The following DNAJC5B variants were observed in gnomAD, a reference collection of about 807,000 sequenced individuals.
DNAJC5B encodes the protein DnaJ heat shock protein family (Hsp40) member C5 beta.
Under a neutral mutation model 24.7 loss-of-function variants are expected in DNAJC5B, and 23 were observed. The observed-to-expected ratio is 0.93, with a 90% CI of 0.67 to 1.32. The LOEUF (loss-of-function observed/expected upper bound fraction) is 1.32. DNAJC5B is among the 40% of genes most tolerant of loss of function. The pLI, the probability that DNAJC5B is intolerant of heterozygous loss-of-function variation, is 0.00. For missense variants in DNAJC5B, 238 were observed against 240.8 expected, an observed-to-expected ratio of 0.99 and a Z score of 0.08; for synonymous variants, 101 against 90.1, an observed-to-expected ratio of 1.12 and a Z score of -0.68.
intron 3 of DNAJC5B, chr8:66,056,576 A>G (rs940516179): frequency 2.6e-5 from 4 of 152,208 alleles, no homozygotes; most frequent in African/African-American, 9.7e-5. Flanking sequence ...GAAGCACCGT[A>G]AAGACTCTGA....
intron 3 of DNAJC5B, among the ~76,000 whole-genome samples, chr8:66,062,085 A>G (rs1807095304): frequency 6.6e-6 from 1 of 152,252 alleles, no homozygotes; most frequent in African/African-American, 2.4e-5. Flanking sequence ...CCATTCCATC[A>G]GTTCCTTGAG....
In DNAJC5B at chr8:66,052,149, G is replaced by A. The variant is rs558572123; in HGVS notation, c.119+483G>A. ...TTTTTTTTTTTTTTAGTAGAGATGG[G>A]GTTTCACCATGTTGGCCAGGCTGGT... On this transcript the variant is annotated intron_variant, in intron 3 of 5. Coordinates refer to ENST00000276570, the MANE Select transcript of DNAJC5B (RefSeq NM_033105.6). Among the ~76,000 whole-genome samples the A allele has an allele frequency of 1.8e-3, 270 of 150,604 alleles. 2 individuals are homozygous for A. Among genetic ancestry groups the A allele is most frequent in the Non-Finnish European group, 1.3e-3 (89 of 67,720 alleles).
chr8:66,080,196 G>A (rs1328498985), intron 4 of DNAJC5B, among the ~76,000 whole-genome samples, 181 bp from the exon 5 acceptor site: 2 of 152,156 alleles, frequency 1.3e-5, no homozygotes, highest in Admixed American at 6.5e-5. Flanking sequence ...CAGGAAATTG[G>A]TTTCTAAGGA....
intron 3 of DNAJC5B, among the ~76,000 whole-genome samples, chr8:66,065,921 A>G (rs79153560): frequency 0.043 from 6,505 of 152,212 alleles, 463 homozygotes; most frequent in African/African-American, 0.15. Context: ...GCTCCAAAGA[A>G]CTATAAAAGC....
At chr8:66,069,563 A>T (rs1384637625) in intron 3 of DNAJC5B, among the ~76,000 whole-genome samples, 1 of 152,226 alleles carries the variant, frequency 6.6e-6, no homozygotes, top group African/African-American at 2.4e-5. Flanking sequence ...TGAGGCAGTA[A>T]TTAATAGCCT....
intron 1 of DNAJC5B, among the ~76,000 whole-genome samples, chr8:66,041,151 T>A (rs1806599815): frequency 6.6e-6 from 1 of 152,184 alleles, no homozygotes; most frequent in African/African-American, 2.4e-5. Context: ...AATTTACAAG[T>A]GATGGCTTGA....
intron 5 of DNAJC5B, among the ~76,000 whole-genome samples, chr8:66,099,483 C>A (rs753643742): frequency 5.9e-5 from 9 of 152,230 alleles, no homozygotes; most frequent in Non-Finnish European, 1.3e-4. Flanking sequence ...CCTGTCCCAA[C>A]AAGGGCCAGT....
intron 1 of DNAJC5B, among the ~76,000 whole-genome samples, chr8:66,026,666 G>A (rs140399447): frequency 6.0e-4 from 92 of 152,370 alleles, no homozygotes; most frequent in Non-Finnish European, 1.2e-3. Flanking sequence ...TGTAACCTGA[G>A]GCCTGTGAAG....
intron 5 of DNAJC5B, among the ~76,000 whole-genome samples, chr8:66,085,440 A>C (rs191559536): frequency 2.2e-3 from 331 of 152,078 alleles, no homozygotes; most frequent in African/African-American, 7.1e-3. Context: ...ACTCCATCTC[A>C]AAAAAATAAA....
chr8:66,069,896 T>C (rs957902622), intron 3 of DNAJC5B, among the ~76,000 whole-genome samples: 1 of 152,254 alleles, frequency 6.6e-6, no homozygotes, highest in Admixed American at 6.5e-5. Flanking sequence ...GATGCAAGGC[T>C]GCTTCAACAT....
chr8:66,055,725 T>C (rs1806947523), intron 3 of DNAJC5B, among the ~76,000 whole-genome samples: 2 of 152,046 alleles, frequency 1.3e-5, no homozygotes, highest in Admixed American at 6.5e-5. Context: ...GATGGATCAC[T>C]TGAGGTCAGG....
At chr8:66,053,936 C>CTT (rs60244347) in intron 3 of DNAJC5B, among the ~76,000 whole-genome samples, 1,717 of 138,250 alleles carry the variant, frequency 0.012, 38 homozygotes, top group African/African-American at 0.04. Flanking sequence ...GCCTACTACC[C>CTT]TTTTTTTTTT....
At chr8:66,079,790 C>T (rs934017902) in intron 4 of DNAJC5B, among the ~76,000 whole-genome samples, 1 of 152,126 alleles carries the variant, frequency 6.6e-6, no homozygotes, top group Non-Finnish European at 1.5e-5. Context: ...AGGCCAGTTG[C>T]GAGGCTGCTG....
chr8:66,032,632 C>G (rs1039616073), intron 1 of DNAJC5B, among the ~76,000 whole-genome samples: 2 of 152,168 alleles, frequency 1.3e-5, no homozygotes, highest in African/African-American at 4.8e-5. Flanking sequence ...ATGGGCCAGT[C>G]CAATCCTGTT....
chr8:66,095,613 T>C (rs998391908), intron 5 of DNAJC5B, among the ~76,000 whole-genome samples: 2 of 151,788 alleles, frequency 1.3e-5, no homozygotes, highest in Admixed American at 1.3e-4. Context: ...ATTAAAAATT[T>C]AAGACTATAA....
chr8:66,040,675 C>T (rs1806589085), intron 1 of DNAJC5B, among the ~76,000 whole-genome samples: 1 of 152,020 alleles, frequency 6.6e-6, no homozygotes, highest in South Asian at 2.1e-4. Flanking sequence ...GCCCCATGAG[C>T]CTTAAAAAGT....
At chr8:66,019,215 T>G (rs1806043090), upstream of DNAJC5B, among the ~76,000 whole-genome samples, 1 of 152,236 alleles carries the variant, frequency 6.6e-6, no homozygotes, top group African/African-American at 2.4e-5. Context: ...GTTTGATCCC[T>G]GCATATCCTG....
At chr8:66,093,448 G>T (rs1272061516) in intron 5 of DNAJC5B, among the ~76,000 whole-genome samples, 1 of 152,066 alleles carries the variant, frequency 6.6e-6, no homozygotes, top group African/African-American at 2.4e-5. Flanking sequence ...GGTGGGAAAT[G>T]GTGTGTCATT....
intron 5 of DNAJC5B, among the ~76,000 whole-genome samples, chr8:66,082,233 A>G (rs1425641179): frequency 6.6e-6 from 1 of 151,988 alleles, no homozygotes; most frequent in Non-Finnish European, 1.5e-5. Context: ...GAGTATCTTC[A>G]ACATCCTCCA....
Sources: allele counts gnomAD v4.1 joint callset (sites outside exome capture counted in the v4.1 genomes callset), GRCh38; gene constraint gnomAD v4.1.1; transcripts MANE v1.5; gene names NCBI Gene and HGNC (gene_info 2026-07-23, HGNC 2026-07-21).